Variants in PLCB1 observed in about 807,000 individuals in gnomAD.
The protein encoded by PLCB1 is 1-phosphatidylinositol 4,5-bisphosphate phosphodiesterase beta-1.
In PLCB1, 46 loss-of-function variants were observed where a neutral mutation model predicts 161.8. The observed-to-expected ratio is 0.28, with a 90% confidence interval of 0.22 to 0.36. The LOEUF is 0.36. Ranked by LOEUF, PLCB1 falls within the 10% of genes least tolerant of loss-of-function variation. PLCB1 has a pLI of 1.00. For synonymous variants in PLCB1, 517 were observed against 503.7 expected (o/e 1.03, Z -0.35); for missense variants, 1,016 against 1,472.5 (o/e 0.69, Z 5.07).
chr20:8,659,020 C>A (rs1490323081), intron 9 of PLCB1, among the ~76,000 whole-genome samples: 1 of 151,980 alleles, frequency 6.6e-6, no homozygotes, highest in African/African-American at 2.4e-5. Context: ...TTTAGGTTAC[C>A]CTTTTGTCTT....
chr20:8,629,509 A>C (rs1988460847), intron 4 of PLCB1, among the ~76,000 whole-genome samples: 1 of 152,234 alleles, frequency 6.6e-6, no homozygotes, highest in Non-Finnish European at 1.5e-5. Flanking sequence ...TATTTAAAGA[A>C]GAGCTTTCTT....
intron 31 of PLCB1, among the ~76,000 whole-genome samples, chr20:8,808,499 T>C (rs1984654708): frequency 6.6e-6 from 1 of 152,166 alleles, no homozygotes; most frequent in African/African-American, 2.4e-5. Context: ...TATAATCACA[T>C]TGAGGGTTAG....
At chr20:8,630,010 C>CTTTCTTTCTTTCTTTCTT (rs760712723) in intron 4 of PLCB1, among the ~76,000 whole-genome samples, 21 of 60,596 alleles carry the variant, frequency 3.5e-4, no homozygotes, top group African/African-American at 6.7e-4. Context: ...TTCTTTCTTT[C>CTTTCTTTCTTTCTTTCTT]TCTTTCTTCT....
intron 3 of PLCB1, among the ~76,000 whole-genome samples, chr20:8,508,455 C>G (rs1476408698): frequency 2.6e-5 from 4 of 152,188 alleles, no homozygotes; most frequent in African/African-American, 9.7e-5. Context: ...GAATGACAGA[C>G]TCGAAGTGAC....
intron 2 of PLCB1, among the ~76,000 whole-genome samples, chr20:8,364,762 A>C (rs932117501): frequency 1.3e-5 from 2 of 152,242 alleles, no homozygotes; most frequent in Non-Finnish European, 2.9e-5. Flanking sequence ...ATTGACAGTT[A>C]CAATACAACC....
At chr20:8,591,157 T>G (rs770786026) in intron 3 of PLCB1, among the ~76,000 whole-genome samples, 5 of 152,182 alleles carry the variant, frequency 3.3e-5, no homozygotes, top group Non-Finnish European at 7.3e-5. Flanking sequence ...ATGATCTTGT[T>G]CCTTTTTATG....
At chr20:8,802,386 C>T (rs1265961923) in intron 31 of PLCB1, 4 of 481,540 alleles carry the variant, frequency 8.3e-6, no homozygotes, top group Non-Finnish European at 1.4e-5. Context: ...TGTGCTCTCT[C>T]TTCCTGACAT....
intron 9 of PLCB1, among the ~76,000 whole-genome samples, chr20:8,658,970 G>T (rs987807264): frequency 6.6e-6 from 1 of 151,940 alleles, no homozygotes; most frequent in Non-Finnish European, 1.5e-5. Flanking sequence ...TCAAATTCAC[G>T]CAGTGACTGA....
At chr20:8,541,548 A>T (rs1985315294) in intron 3 of PLCB1, among the ~76,000 whole-genome samples, 1 of 81,578 alleles carries the variant, frequency 1.2e-5, no homozygotes, top group Admixed American at 1.2e-4. Context: ...AACCCAGATA[A>T]TGAAAGGAAG....
At chr20:8,515,802 C>A (rs1158202719) in intron 3 of PLCB1, among the ~76,000 whole-genome samples, 2 of 152,160 alleles carry the variant, frequency 1.3e-5, no homozygotes, top group African/African-American at 4.8e-5. Context: ...GAGTGCTTAT[C>A]TAGATTTGGC....
chr20:8,649,492 C>G (rs764892026), intron 7 of PLCB1, 43 bp downstream of exon 7: 1 of 1,379,724 alleles, frequency 7.2e-7, no homozygotes, highest in Non-Finnish European at 1.0e-6. Flanking sequence ...TTCAGCCCCT[C>G]CAAAACTCAT....
chr20:8,364,486 T>G (rs1051986423), intron 2 of PLCB1, among the ~76,000 whole-genome samples: 3 of 152,194 alleles, frequency 2.0e-5, no homozygotes, highest in African/African-American at 7.2e-5. Flanking sequence ...TAATGAACTT[T>G]CAGTGTCCCT....
chr20:8,521,455 G>A (rs1314710071), intron 3 of PLCB1, among the ~76,000 whole-genome samples: 1 of 152,144 alleles, frequency 6.6e-6, no homozygotes, highest in Non-Finnish European at 1.5e-5. Context: ...TGTAATCCCA[G>A]CACTTTGAGA....
At chr20:8,538,887 G>A (rs745509731) in intron 3 of PLCB1, among the ~76,000 whole-genome samples, 16 of 150,230 alleles carry the variant, frequency 1.1e-4, no homozygotes, top group African/African-American at 2.5e-5. Context: ...TCTGCCTCCC[G>A]GGTTCAAGTG....
chr20:8,445,081 T>C (rs1400643745), intron 3 of PLCB1, among the ~76,000 whole-genome samples: 5 of 152,208 alleles, frequency 3.3e-5, no homozygotes, highest in Non-Finnish European at 7.3e-5. Flanking sequence ...TTGGCTTTTG[T>C]TGCCATTGCT....
At chr20:8,263,568 C>A (rs1981813786) in intron 2 of PLCB1, among the ~76,000 whole-genome samples, 1 of 152,104 alleles carries the variant, frequency 6.6e-6, no homozygotes, top group South Asian at 2.1e-4. Context: ...GTGTGAACAT[C>A]AGGGACTGAA....
At chr20:8,654,981 CT>C (rs1568548141) in intron 7 of PLCB1, among the ~76,000 whole-genome samples, 4 of 151,974 alleles carry the variant, frequency 2.6e-5, no homozygotes, top group Admixed American at 2.6e-4. Context: ...ACCCCAAAGA[CT>C]TTGGGGTATC....
At chr20:8,584,342 C>T (rs1986921845) in intron 3 of PLCB1, among the ~76,000 whole-genome samples, 1 of 152,130 alleles carries the variant, frequency 6.6e-6, no homozygotes, top group Non-Finnish European at 1.5e-5. Flanking sequence ...AAAACCAGGA[C>T]TTGTGCATAC....
At chr20:8,549,241 G>A (rs1465003942) in intron 3 of PLCB1, among the ~76,000 whole-genome samples, 1 of 152,150 alleles carries the variant, frequency 6.6e-6, no homozygotes, top group Non-Finnish European at 1.5e-5. Context: ...TACTGTTACA[G>A]TTGATATAGA....
Sources: allele counts gnomAD v4.1 joint callset (sites outside exome capture counted in the v4.1 genomes callset), GRCh38; gene constraint gnomAD v4.1.1; transcripts MANE v1.5; gene names NCBI Gene and HGNC (gene_info 2026-07-23, HGNC 2026-07-21).